The following KCNN1 variants were observed in gnomAD, a reference collection of about 807,000 sequenced individuals.
KCNN1 encodes small conductance calcium-activated potassium channel protein 1.
Under a neutral mutation model 44.7 loss-of-function variants are expected in KCNN1, and 20 were observed. That is an observed-to-expected ratio of 0.45 (90% confidence interval 0.32 to 0.65). KCNN1 has a LOEUF of 0.65. Among genes scored for constraint, KCNN1 ranks in the 30% least tolerant of loss-of-function variants. KCNN1 has a pLI of 0.05. For missense variants in KCNN1, 632 were observed against 785.3 expected, an observed-to-expected ratio of 0.80 and a Z score of 2.33; for synonymous variants, 324 against 341.7, an observed-to-expected ratio of 0.95 and a Z score of 0.57.
chr19:17,975,332 C>G, intron 3 of KCNN1, 145 bp downstream of exon 3: 1 of 593,006 alleles, frequency 1.7e-6, no homozygotes, highest in Non-Finnish European at 3.0e-6. Context: ...TAAAGACACA[C>G]AGTTTCCATC....
At chr19:17,957,683 T>C (rs2031578881) in intron 2 of KCNN1, among the ~76,000 whole-genome samples, 2 of 151,904 alleles carry the variant, frequency 1.3e-5, no homozygotes, top group Admixed American at 6.6e-5. Context: ...GAAGGCAAGA[T>C]CGGCAGGTAG....
chr19:17,967,128 C>T lies in KCNN1; in HGVS notation c.-271C>T. 2 of 976,896 alleles carry T rather than the reference C, an allele frequency of 2.0e-6. No individual in the cohort carries two copies. Among genetic ancestry groups the T allele is most frequent in the South Asian group, 4.7e-5 (1 of 21,288 alleles). The allele number at this position is 976,896 out of a possible 1,614,324, so 60.5% of individuals were successfully genotyped here. The stretch of plus-strand genomic sequence containing the variant: ...GGGCGGGCGCTCGCCCCCCGCCGGG[C>T]CCGTGGACTGGGCGGCGGGGGATGC... On this transcript the variant is annotated 5_prime_UTR_variant, in exon 1 of 10. Transcript: ENST00000684775.
chr19:17,971,024 C>T (rs1024304385), intron 1 of KCNN1, among the ~76,000 whole-genome samples: 17 of 152,206 alleles, frequency 1.1e-4, no homozygotes, highest in African/African-American at 3.6e-4. Context: ...GCTGGGATTA[C>T]AGGTGCCCAC....
chr19:17,985,173 C>G, intron 4 of KCNN1, 139 bp from the exon 5 acceptor site: 1 of 758,348 alleles, frequency 1.3e-6, no homozygotes, highest in Non-Finnish European at 2.0e-6. Context: ...TGCGCCTGTC[C>G]TGTACCCACA....
At chr19:17,969,487 G>A (rs2031935706) in intron 1 of KCNN1, among the ~76,000 whole-genome samples, 1 of 152,058 alleles carries the variant, frequency 6.6e-6, no homozygotes, top group Non-Finnish European at 1.5e-5. Context: ...TGGGTGCCGG[G>A]AAAGCCCTCC....
At chr19:17,982,758 G>A (rs999638464) in intron 4 of KCNN1, among the ~76,000 whole-genome samples, 16 of 152,196 alleles carry the variant, frequency 1.1e-4, no homozygotes, top group African/African-American at 3.4e-4. Context: ...TCCACTGGGC[G>A]TCCTCTCCGA....
rs758827947 is a variant in KCNN1 at position 17,973,989 on chromosome 19, C to T, written c.101C>T (p.Pro34Leu). ...CCGGACCCTGAGGCCGGCCACCCCC[C>T]ACAACCCCCGCACAGCCCGGGCCTC... The part of the protein sequence containing the change: ...DPPDPEAGHP[P>L]QPPHSPGLQV... Residue 34 changes from proline (P) to leucine (L), a missense_variant, in exon 2 of 10, where the codon CCA becomes CTA. Physicochemically the swap from Pro to Leu is moderately conservative, Grantham distance 98 (BLOSUM62 -3). This residue lies in a region of KCNN1 where 235 missense variants were observed against 224.0 expected (regional missense o/e 1.05). Transcript: ENST00000684775. 37 of 1,580,316 alleles carry T rather than the reference C, an allele frequency of 2.3e-5. No homozygotes were observed. The highest frequency in any genetic ancestry group is 2.7e-5 in the African/African-American group (2 of 74,208).
chr19:17,983,177 T>A lies in KCNN1; in HGVS notation c.917+1050T>A, dbSNP rs1279424752. Among the ~76,000 whole-genome samples, 2 of 152,058 alleles carry A rather than the reference T, an allele frequency of 1.3e-5. No individual in the cohort carries two copies. Among genetic ancestry groups the A allele is most frequent in the Non-Finnish European group, 2.9e-5 (2 of 67,978 alleles). ...CTGAGGCTCTGGGGGACAAAGGGAC[T>A]TGCCCGGAGCCTTGAGTCCTGGCAG... On this transcript the variant is annotated intron_variant, in intron 4 of 9. Transcript: ENST00000684775. The surrounding 1 kb of genome is among the most constrained non-coding windows in gnomAD (Gnocchi z 4.5).
intron 1 of KCNN1, chr19:17,971,924 C>T (rs2032036784): frequency 6.6e-6 from 1 of 151,880 alleles, no homozygotes; most frequent in Non-Finnish European, 1.5e-5. Flanking sequence ...AATCCCAACA[C>T]TTTGGGAGGA....
At position 17,985,472 on chromosome 19, in the gene KCNN1, G is replaced by C; in HGVS notation, c.1059+19G>C. ...CATCATGGTAAGGGTGAGGGTCCAT[G>C]TGTATGATCCTGGGAGGTCCAGCCA... On this transcript the variant is annotated intron_variant, in intron 5 of 9. Coordinates refer to ENST00000684775, the MANE Select transcript of KCNN1 (RefSeq NM_001386974.1). 1 of 1,556,984 alleles carries C rather than the reference G, an allele frequency of 6.4e-7. No homozygotes were observed. Among genetic ancestry groups the C allele is most frequent in the Non-Finnish European group, 8.7e-7 (1 of 1,144,854 alleles).
intron 1 of KCNN1, among the ~76,000 whole-genome samples, chr19:17,973,361 G>A (rs1338098135): frequency 1.3e-5 from 2 of 152,260 alleles, no homozygotes; most frequent in East Asian, 3.9e-4. Flanking sequence ...GCTCACTACA[G>A]CCTCTGCTTC....
upstream of KCNN1, among the ~76,000 whole-genome samples, chr19:17,963,478 C>A (rs867253992): frequency 1.3e-5 from 2 of 152,094 alleles, no homozygotes; most frequent in Middle Eastern, 3.4e-3. Context: ...ACACACCCGG[C>A]TAATTTTTTG....
intron 5 of KCNN1, 120 bp downstream of exon 5, chr19:17,985,573 C>A: frequency 2.3e-6 from 2 of 880,280 alleles, no homozygotes; most frequent in Non-Finnish European, 3.2e-6. Flanking sequence ...GCCTGATCAG[C>A]GTCCCTCCAT....
chr19:17,965,192 G>C (rs894131062), upstream of KCNN1, among the ~76,000 whole-genome samples: 1 of 151,932 alleles, frequency 6.6e-6, no homozygotes, highest in Non-Finnish European at 1.5e-5. Flanking sequence ...CTTGAACCCA[G>C]GAGGTGGAGG....
chr19:17,961,423 C>G (rs1313829647), intron 2 of KCNN1, among the ~76,000 whole-genome samples: 1 of 151,564 alleles, frequency 6.6e-6, no homozygotes, highest in Admixed American at 6.6e-5. Context: ...CATTTAAAAA[C>G]AAAAAGAAAA....
At chr19:17,953,774 A>T (rs372473126) in intron 1 of KCNN1, among the ~76,000 whole-genome samples, 6 of 152,220 alleles carry the variant, frequency 3.9e-5, no homozygotes, top group African/African-American at 7.2e-5. Context: ...ACAAAAAATT[A>T]AAAAAATTAG....
chr19:17,980,582 A>G (rs1381795912), intron 3 of KCNN1, among the ~76,000 whole-genome samples: 1 of 152,226 alleles, frequency 6.6e-6, no homozygotes, highest in East Asian at 1.9e-4. Context: ...AGAGTTTTGC[A>G]TACGAGGTCA....
At chr19:17,994,957 C>A (rs766713343) in intron 9 of KCNN1, among the ~76,000 whole-genome samples, 1 of 152,202 alleles carries the variant, frequency 6.6e-6, no homozygotes, top group East Asian at 1.9e-4. Flanking sequence ...TGACCAATGA[C>A]ATAGTTTCAG....
chr19:17,970,191 T>C (rs1364130746), intron 1 of KCNN1, among the ~76,000 whole-genome samples: 1 of 137,992 alleles, frequency 7.2e-6, no homozygotes, highest in Admixed American at 7.2e-5. Flanking sequence ...AGGTGCCTGG[T>C]CACAGGAAGC....
Sources: gnomAD v4.1 joint callset for allele counts (sites outside exome capture counted in the v4.1 genomes callset) on GRCh38, gnomAD v4.1.1 for gene constraint, gnomAD v4.1.1 regional missense constraint, Gnocchi (gnomAD v3.1) non-coding constraint, MANE v1.5 for transcripts, NCBI Gene and HGNC (gene_info 2026-07-23, HGNC 2026-07-21) for gene names.